SLC8A1: variants seen among roughly 807,000 people sequenced by gnomAD.
SLC8A1 encodes sodium/calcium exchanger 1.
Under a neutral mutation model 68.3 loss-of-function variants are expected in SLC8A1, and 18 were observed. The observed-to-expected ratio is 0.26, with a 90% confidence interval of 0.18 to 0.39. The LOEUF (loss-of-function observed/expected upper bound fraction) is 0.39, where lower values mean the gene tolerates loss of function less well. SLC8A1 is among the 10% of genes least tolerant of loss of function. The pLI is 1.00. For missense variants in SLC8A1, 985 were observed against 1,156.7 expected, an observed-to-expected ratio of 0.85 and a Z score of 2.15; for synonymous variants, 475 against 415.5, an observed-to-expected ratio of 1.14 and a Z score of -1.74.
chr2:40,114,610 C>T (rs1438103047), exon 8 of SLC8A1: 1 of 152,708 alleles, frequency 6.5e-6, no homozygotes, highest in African/African-American at 2.4e-5. Context: ...TTTCTAGAAC[C>T]ATCGGATTTC....
At chr2:40,269,760 C>T (rs2065792259) in intron 2 of SLC8A1, among the ~76,000 whole-genome samples, 1 of 151,688 alleles carries the variant, frequency 6.6e-6, no homozygotes, top group African/African-American at 2.4e-5. Flanking sequence ...TGTTGCCTTT[C>T]TCATGGATCA....
chr2:40,497,827 T>A (rs536802544), intron 1 of SLC8A1, among the ~76,000 whole-genome samples: 2 of 152,086 alleles, frequency 1.3e-5, no homozygotes, highest in African/African-American at 4.8e-5. Context: ...TAGGGATTTA[T>A]TGAAAGATTT....
At chr2:40,322,683 A>G (rs934429050) in intron 2 of SLC8A1, among the ~76,000 whole-genome samples, 3 of 151,828 alleles carry the variant, frequency 2.0e-5, no homozygotes, top group African/African-American at 7.3e-5. Flanking sequence ...CTCTAAAAAT[A>G]ATGATAATGA....
intron 2 of SLC8A1, among the ~76,000 whole-genome samples, chr2:40,260,138 G>GC (rs1445837898): frequency 6.6e-6 from 1 of 152,124 alleles, no homozygotes; most frequent in Non-Finnish European, 1.5e-5. Flanking sequence ...GTGAACACAG[G>GC]CTTGATTCTC....
intron 1 of SLC8A1, among the ~76,000 whole-genome samples, chr2:40,463,843 C>CACACAT (rs1318301119): frequency 4.8e-3 from 263 of 54,464 alleles, no homozygotes; most frequent in African/African-American, 9.7e-3. Flanking sequence ...CACACATACA[C>CACACAT]ACACACACAC....
intron 2 of SLC8A1, among the ~76,000 whole-genome samples, chr2:40,232,060 T>C (rs1025481684): frequency 3.3e-5 from 5 of 152,074 alleles, no homozygotes; most frequent in Admixed American, 6.6e-5. Flanking sequence ...AGGAAGATTT[T>C]AGCAGGAAAT....
At chr2:40,105,697 A>G (rs2034151656) in exon 8 of SLC8A1, 1 of 152,216 alleles carries the variant, frequency 6.6e-6, no homozygotes, top group South Asian at 2.1e-4. Flanking sequence ...ATTGAGCTGC[A>G]TGAATCTGGA....
intron 2 of SLC8A1, among the ~76,000 whole-genome samples, chr2:40,384,651 T>C (rs899003127): frequency 5.3e-5 from 8 of 152,148 alleles, no homozygotes; most frequent in African/African-American, 1.9e-4. Flanking sequence ...TGATCTTTGG[T>C]GGAATATTTT....
At chr2:40,110,184 T>A (rs985270855) in exon 8 of SLC8A1, 2 of 152,094 alleles carry the variant, frequency 1.3e-5, no homozygotes, top group Non-Finnish European at 2.9e-5. Context: ...CAGTGGTTGC[T>A]CCTTTTATAG....
intron 2 of SLC8A1, among the ~76,000 whole-genome samples, chr2:40,265,631 C>G (rs1459453321): frequency 2.0e-5 from 3 of 152,086 alleles, no homozygotes; most frequent in Non-Finnish European, 4.4e-5. Flanking sequence ...GCCTGCAATT[C>G]TGTGGCTAAC....
chr2:40,250,135 C>T (rs911631074), intron 2 of SLC8A1, among the ~76,000 whole-genome samples: 28 of 152,020 alleles, frequency 1.8e-4, no homozygotes, highest in Admixed American at 4.6e-4. Context: ...ATAAATAAAA[C>T]GTGTTAGCAG....
At chr2:40,132,071 T>C (rs949694175) in intron 7 of SLC8A1, among the ~76,000 whole-genome samples, 1 of 152,154 alleles carries the variant, frequency 6.6e-6, no homozygotes, top group African/African-American at 2.4e-5. Flanking sequence ...TTGAAGAGTT[T>C]AAATGTAATC....
chr2:40,332,379 A>G (rs996068533), intron 2 of SLC8A1, among the ~76,000 whole-genome samples: 1 of 137,130 alleles, frequency 7.3e-6, no homozygotes, highest in Non-Finnish European at 1.5e-5. Context: ...ACATAATTCA[A>G]TTCAAACAGT....
chr2:40,269,564 T>C (rs2149128947), intron 2 of SLC8A1, among the ~76,000 whole-genome samples: 1 of 152,236 alleles, frequency 6.6e-6, no homozygotes. Flanking sequence ...GACCTGAAGA[T>C]TACATAGGAT....
chr2:40,237,551 T>A (rs2060567377), intron 2 of SLC8A1, among the ~76,000 whole-genome samples: 1 of 151,652 alleles, frequency 6.6e-6, no homozygotes. Context: ...TTGGTTTGAA[T>A]GTCCTCCCGT....
chr2:40,461,254 G>C (rs1703322960), intron 1 of SLC8A1, among the ~76,000 whole-genome samples: 1 of 152,156 alleles, frequency 6.6e-6, no homozygotes, highest in African/African-American at 2.4e-5. Context: ...CTAGTCTGCT[G>C]TACCAGGCAG....
intron 2 of SLC8A1, among the ~76,000 whole-genome samples, chr2:40,377,108 A>G (rs1680145311): frequency 6.6e-6 from 1 of 151,380 alleles, no homozygotes; most frequent in Non-Finnish European, 1.5e-5. Flanking sequence ...GTCCTTAATT[A>G]TTTGACTTTA....
intron 2 of SLC8A1, among the ~76,000 whole-genome samples, chr2:40,340,468 G>C (rs1005990527): frequency 3.9e-5 from 6 of 152,176 alleles, no homozygotes; most frequent in African/African-American, 1.4e-4. Context: ...GGCTGAGGCA[G>C]GAGAATCACT....
intron 4 of SLC8A1, among the ~76,000 whole-genome samples, chr2:40,169,838 G>A (rs2047155715): frequency 6.6e-6 from 1 of 152,154 alleles, no homozygotes; most frequent in Non-Finnish European, 1.5e-5. Flanking sequence ...CTACTCAGGA[G>A]GCTGAGGTGT....
Sources: gnomAD v4.1 joint callset for allele counts (sites outside exome capture counted in the v4.1 genomes callset) on GRCh38, gnomAD v4.1.1 for gene constraint, MANE v1.5 for transcripts, NCBI Gene and HGNC (gene_info 2026-07-23, HGNC 2026-07-21) for gene names.